Variants in PLBD1 observed in about 807,000 individuals in gnomAD.
The protein encoded by PLBD1 is phospholipase B domain containing 1.
Under a neutral mutation model 63.0 loss-of-function variants are expected in PLBD1, and 60 were observed. That is an observed-to-expected ratio of 0.95 (90% CI 0.77 to 1.18). The LOEUF (loss-of-function observed/expected upper bound fraction) is 1.18. Ranked by LOEUF, PLBD1 falls within the 50% of genes most tolerant of loss-of-function variation. The pLI is 0.00. For missense variants in PLBD1, 598 were observed against 677.9 expected (o/e 0.88, Z 1.31); for synonymous variants, 262 against 248.0 (o/e 1.06, Z -0.53).
At chr12:14,550,210 A>T (rs544706114) in intron 2 of PLBD1, among the ~76,000 whole-genome samples, 1 of 152,210 alleles carries the variant, frequency 6.6e-6, no homozygotes, top group South Asian at 2.1e-4. Context: ...AGCTCTTTTG[A>T]GGTTGTTCTC....
At chr12:14,505,780 C>G (rs983262424) in intron 10 of PLBD1, among the ~76,000 whole-genome samples, 2 of 152,110 alleles carry the variant, frequency 1.3e-5, no homozygotes, top group African/African-American at 4.8e-5. Flanking sequence ...GGACTTTGGG[C>G]CAGTCTGGTA....
intron 6 of PLBD1, among the ~76,000 whole-genome samples, chr12:14,521,792 T>C (rs1945378730): frequency 6.6e-6 from 1 of 152,000 alleles, no homozygotes; most frequent in Non-Finnish European, 1.5e-5. Context: ...AACTCTCCCA[T>C]AACTGACCTT....
chr12:14,531,294 T>C (rs1945459470), intron 6 of PLBD1: 1 of 152,240 alleles, frequency 6.6e-6, no homozygotes, highest in African/African-American at 2.4e-5. Flanking sequence ...AAGGTAGCAA[T>C]ACTGTTATTA....
At chr12:14,530,023 T>A (rs771700807) in intron 6 of PLBD1, 1 of 152,238 alleles carries the variant, frequency 6.6e-6, no homozygotes, top group Non-Finnish European at 1.5e-5. Flanking sequence ...GAATGTGGGC[T>A]GGTCATAACA....
At position 14,536,682 on chromosome 12, in the gene PLBD1, A is replaced by AGGAACTGAATCT; in HGVS notation, c.575_586dup (p.Gln192_Phe195dup). 6.2e-7 allele frequency: 1 copy of AGGAACTGAATCT among 1,614,228 alleles called. No individual in the cohort carries two copies. The highest frequency in any genetic ancestry group is 1.1e-5 in the South Asian group (1 of 91,086). ...ATCCAATAGATCTCCAACACTATTC[A>AGGAACTGAATCT]GGAACTGAATCTGGAACAGGGTCAT... On this transcript the variant is annotated inframe_insertion, in exon 5 of 11. Transcript: ENST00000240617.
At chr12:14,524,498 T>C (rs1945402180) in intron 6 of PLBD1, among the ~76,000 whole-genome samples, 1 of 152,144 alleles carries the variant, frequency 6.6e-6, no homozygotes, top group Non-Finnish European at 1.5e-5. Flanking sequence ...CACTATGGTG[T>C]GCTATTTTTC....
At chr12:14,543,441 G>T (rs1008031169) in intron 2 of PLBD1, among the ~76,000 whole-genome samples, 1 of 151,940 alleles carries the variant, frequency 6.6e-6, no homozygotes, top group Non-Finnish European at 1.5e-5. Flanking sequence ...TTCTTAGGCC[G>T]AGCACGATGG....
At chr12:14,548,068 T>C (rs1005706843) in intron 2 of PLBD1, among the ~76,000 whole-genome samples, 1 of 152,196 alleles carries the variant, frequency 6.6e-6, no homozygotes, top group Admixed American at 6.5e-5. Context: ...TCTGACACAT[T>C]GTAAATGGTA....
At chr12:14,547,737 A>C (rs1945625962) in intron 2 of PLBD1, among the ~76,000 whole-genome samples, 1 of 152,178 alleles carries the variant, frequency 6.6e-6, no homozygotes, top group South Asian at 2.1e-4. Context: ...CATGATGGCA[A>C]TAACACATCA....
rs1385241411 is a variant in PLBD1 at position 14,505,341 on chromosome 12, C to CAGGTTTCTTCCAGAATTT, written c.1479+820_1479+821insAAATTCTGGAAGAAACCT. Among the ~76,000 whole-genome samples, 3 of 152,080 alleles carry CAGGTTTCTTCCAGAATTT rather than the reference C, an allele frequency of 2.0e-5. No homozygotes were observed. The East Asian group carries it at 5.8e-4, about 29-fold the overall frequency. On this transcript the variant is annotated intron_variant, in intron 10 of 10. Coordinates refer to ENST00000240617, the MANE Select transcript of PLBD1 (RefSeq NM_024829.6). Reference sequence around the variant, plus strand: ...GACAGGTTTCTTCCAGAATTTAGGACAGCTGATGAAATGAAAAGACACACA... The same window carrying CAGGTTTCTTCCAGAATTT: ...GACAGGTTTCTTCCAGAATTTAGGACAGGTTTCTTCCAGAATTTAGCTGATGAAATGAAAAGACACACA...
chr12:14,564,582 T>G (rs919281560), intron 1 of PLBD1, among the ~76,000 whole-genome samples: 2 of 152,260 alleles, frequency 1.3e-5, no homozygotes, highest in African/African-American at 4.8e-5. Context: ...AGAGCAGACC[T>G]CACAAATATC....
intron 2 of PLBD1, among the ~76,000 whole-genome samples, chr12:14,550,899 T>C (rs889365148): frequency 6.6e-6 from 1 of 150,914 alleles, no homozygotes; most frequent in African/African-American, 2.4e-5. Context: ...AAAAATTATT[T>C]GAATGTGGTG....
At chr12:14,547,180 T>TGTG (rs1945622435) in intron 2 of PLBD1, among the ~76,000 whole-genome samples, 35 of 138,218 alleles carry the variant, frequency 2.5e-4, no homozygotes, top group Non-Finnish European at 3.6e-4. Context: ...GCACCTGGCT[T>TGTG]TGTGTGTGTG....
chr12:14,564,045 A>G (rs1037984437), intron 1 of PLBD1, among the ~76,000 whole-genome samples: 7 of 152,198 alleles, frequency 4.6e-5, no homozygotes, highest in African/African-American at 9.6e-5. Context: ...TTTGAGATCA[A>G]TCTGGGTAAC....
At chr12:14,561,612 T>A (rs1367935757) in intron 1 of PLBD1, among the ~76,000 whole-genome samples, 2 of 152,212 alleles carry the variant, frequency 1.3e-5, no homozygotes, top group Non-Finnish European at 2.9e-5. Context: ...TGGAATGCAA[T>A]GGCACGGTCT....
At chr12:14,559,736 T>G (rs1945731777) in intron 1 of PLBD1, among the ~76,000 whole-genome samples, 1 of 152,182 alleles carries the variant, frequency 6.6e-6, no homozygotes, top group Admixed American at 6.5e-5. Flanking sequence ...AGTATTTTTT[T>G]CTATAAATAA....
At chr12:14,534,502 CAT>C (rs1250158176) in intron 6 of PLBD1, among the ~76,000 whole-genome samples, 2 of 151,422 alleles carry the variant, frequency 1.3e-5, no homozygotes, top group South Asian at 2.1e-4. Flanking sequence ...TTCTGTGGGT[CAT>C]ATGTTTGCTA....
intron 1 of PLBD1, among the ~76,000 whole-genome samples, chr12:14,555,297 G>A (rs1360036859): frequency 1.3e-5 from 2 of 152,102 alleles, no homozygotes; most frequent in Non-Finnish European, 2.9e-5. Flanking sequence ...CAGCACTTTG[G>A]GAGACCAAGG....
intron 2 of PLBD1, among the ~76,000 whole-genome samples, chr12:14,548,573 C>T (rs1243807275): frequency 6.6e-6 from 1 of 151,716 alleles, no homozygotes; most frequent in Non-Finnish European, 1.5e-5. Flanking sequence ...GTTTCTAACA[C>T]CAAATGGAGC....
Sources: allele counts gnomAD v4.1 joint callset (sites outside exome capture counted in the v4.1 genomes callset), GRCh38; gene constraint gnomAD v4.1.1; transcripts MANE v1.5; gene names NCBI Gene and HGNC (gene_info 2026-07-23, HGNC 2026-07-21).